GABBR2: variants seen among roughly 807,000 people sequenced by gnomAD.
GABBR2 encodes the protein gamma-aminobutyric acid type B receptor subunit 2.
Under a neutral mutation model 105.6 loss-of-function variants are expected in GABBR2, and 23 were observed. That is an observed-to-expected ratio of 0.22 (90% CI 0.16 to 0.31). The LOEUF is 0.31. Among genes scored for constraint, GABBR2 ranks in the 10% least tolerant of loss-of-function variants. The pLI, the probability that GABBR2 is intolerant of heterozygous loss-of-function variation, is 1.00. For synonymous variants in GABBR2, 478 were observed against 499.7 expected, an observed-to-expected ratio of 0.96 and a Z score of 0.58; for missense variants, 734 against 1,245.5, an observed-to-expected ratio of 0.59 and a Z score of 6.18.
At chr9:98,654,006 A>G (rs1830144682) in intron 1 of GABBR2, among the ~76,000 whole-genome samples, 1 of 152,226 alleles carries the variant, frequency 6.6e-6, no homozygotes, top group Non-Finnish European at 1.5e-5. Context: ...CAATGTCACA[A>G]AGCTCACAAG....
chr9:98,529,557 C>G lies in GABBR2; in HGVS notation c.630+12316G>C, dbSNP rs1828025756. On this transcript the variant is annotated intron_variant, in intron 3 of 18. Transcript: ENST00000259455. ...AGGTTATGGCCAATTTTAAATTTTC[C>G]TTTGTGCTCTTTTGTGTTTTCCAAG... 1.3e-5 allele frequency among the ~76,000 whole-genome samples: 2 copies of G among 152,122 alleles called. 1 individual carries two copies. The highest frequency in any genetic ancestry group is 4.1e-4 in the South Asian group (2 of 4,826).
At chr9:98,413,712 C>T (rs138740232) in intron 7 of GABBR2, among the ~76,000 whole-genome samples, 25 of 152,220 alleles carry the variant, frequency 1.6e-4, no homozygotes, top group Admixed American at 4.6e-4. Flanking sequence ...CATAACCAGA[C>T]GGCTCAGAGG....
chr9:98,582,051 G>C (rs1456121157), intron 1 of GABBR2, among the ~76,000 whole-genome samples: 6 of 152,196 alleles, frequency 3.9e-5, no homozygotes, highest in Admixed American at 3.9e-4. Flanking sequence ...ACCAGAGTGG[G>C]TGTGGCGGGC....
intron 1 of GABBR2, among the ~76,000 whole-genome samples, chr9:98,605,982 T>G (rs532107556): frequency 2.6e-5 from 4 of 151,918 alleles, no homozygotes; most frequent in East Asian, 3.9e-4. Context: ...TGTCCAAGCA[T>G]TCTCATTGTT....
chr9:98,468,887 T>C (rs1362127965), intron 6 of GABBR2, among the ~76,000 whole-genome samples: 3 of 152,020 alleles, frequency 2.0e-5, no homozygotes, highest in African/African-American at 7.2e-5. Flanking sequence ...CCTAAGCACG[T>C]CACAGGTCTA....
chr9:98,456,176 G>A (rs928531701), intron 6 of GABBR2, among the ~76,000 whole-genome samples: 1 of 152,106 alleles, frequency 6.6e-6, no homozygotes, highest in African/African-American at 2.4e-5. Flanking sequence ...TCCTCCTAGA[G>A]AAGGAGGAAA....
intron 3 of GABBR2, among the ~76,000 whole-genome samples, chr9:98,505,752 G>A (rs148369128): frequency 8.5e-5 from 13 of 152,250 alleles, no homozygotes; most frequent in African/African-American, 2.9e-4. Flanking sequence ...TGCATCTGCC[G>A]GCAAGGAGCA....
intron 1 of GABBR2, among the ~76,000 whole-genome samples, chr9:98,624,362 A>C (rs1431387848): frequency 6.6e-6 from 1 of 151,880 alleles, no homozygotes; most frequent in Non-Finnish European, 1.5e-5. Flanking sequence ...CTGCCTAGAG[A>C]ACTTGGCCCC....
intron 1 of GABBR2, among the ~76,000 whole-genome samples, chr9:98,702,821 T>C (rs954344361): frequency 6.6e-6 from 1 of 152,206 alleles, no homozygotes; most frequent in Non-Finnish European, 1.5e-5. Flanking sequence ...ATTGTTTCTT[T>C]CTTCAATTTA....
At chr9:98,539,301 G>A (rs1461082141) in intron 3 of GABBR2, among the ~76,000 whole-genome samples, 3 of 152,132 alleles carry the variant, frequency 2.0e-5, no homozygotes, top group East Asian at 1.9e-4. Context: ...CCAATGTCAG[G>A]GCTCACAATT....
chr9:98,394,343 A>G, intron 8 of GABBR2, 88 bp from the exon 9 acceptor site: 2 of 879,194 alleles, frequency 2.3e-6, no homozygotes, highest in Non-Finnish European at 1.9e-6. Flanking sequence ...CTCCCCTCAC[A>G]GGCCCTGGAT....
chr9:98,454,267 A>T lies in GABBR2; in HGVS notation c.1000-50T>A. The T allele has an allele frequency of 7.8e-7, 1 of 1,274,762 alleles. No individual in the cohort carries two copies. Among genetic ancestry groups the T allele is most frequent in the Non-Finnish European group, 1.1e-6 (1 of 870,696 alleles). 79.0% of individuals were successfully genotyped at this position (1,274,762 alleles called of 1,614,324 possible). On this transcript the variant is annotated intron_variant, in intron 6 of 18. Coordinates refer to ENST00000259455, the MANE Select transcript of GABBR2 (RefSeq NM_005458.8). This position sits in a 1 kb window ranked among gnomAD's most constrained non-coding sequence, Gnocchi z 4.6. ...ATCCCAAGTTATACTCGGCAGGGAC[A>T]TCAGGTGCCTGATGCCGAGAAGAGC...
At chr9:98,668,450 G>A (rs1421533721) in intron 1 of GABBR2, among the ~76,000 whole-genome samples, 3 of 152,198 alleles carry the variant, frequency 2.0e-5, no homozygotes, top group Non-Finnish European at 4.4e-5. Flanking sequence ...GTAAAGATTG[G>A]AGGTTGGGGA....
intron 1 of GABBR2, among the ~76,000 whole-genome samples, chr9:98,625,777 G>C (rs7018545): frequency 1.3e-5 from 2 of 152,210 alleles, no homozygotes. Flanking sequence ...TGGAGGGAAT[G>C]CATTTAGGCA....
At chr9:98,580,652 G>A (rs1828987801) in intron 1 of GABBR2, among the ~76,000 whole-genome samples, 1 of 152,136 alleles carries the variant, frequency 6.6e-6, no homozygotes, top group South Asian at 2.1e-4. Flanking sequence ...GCCAGGCATG[G>A]TGGCATGCAC....
chr9:98,604,582 A>T (rs1195382767), intron 1 of GABBR2, among the ~76,000 whole-genome samples: 1 of 152,182 alleles, frequency 6.6e-6, no homozygotes, highest in Non-Finnish European at 1.5e-5. Flanking sequence ...CATAAATTGG[A>T]ACACTCACTG....
At chr9:98,366,126 AC>A (rs1334165975) in intron 12 of GABBR2, among the ~76,000 whole-genome samples, 1 of 152,114 alleles carries the variant, frequency 6.6e-6, no homozygotes, top group Non-Finnish European at 1.5e-5. Flanking sequence ...CCCACTCTGA[AC>A]CAGTTTCCTC....
intron 7 of GABBR2, among the ~76,000 whole-genome samples, chr9:98,426,580 C>T (rs1223292307): frequency 6.6e-6 from 1 of 152,194 alleles, no homozygotes; most frequent in Non-Finnish European, 1.5e-5. Flanking sequence ...AGAACCCATT[C>T]TCCCTTTTGG....
At position 98,292,851 on chromosome 9, in the gene GABBR2, TCG is replaced by T. The variant is rs1830322537; in HGVS notation, c.2660+932_2660+933del. On this transcript the variant is annotated intron_variant, in intron 18 of 18. Transcript: ENST00000259455. ...ACCTATTCACTGGCAGAACCTGTGT[TCG>T]GTGCAGGGGACACATGAAGGACTCA... 2.0e-5 allele frequency among the ~76,000 whole-genome samples: 3 copies of T among 152,308 alleles called. No homozygotes were observed. The South Asian group carries it at 6.2e-4, about 32-fold the overall frequency.
Sources: allele counts gnomAD v4.1 joint callset (sites outside exome capture counted in the v4.1 genomes callset), GRCh38; gene constraint gnomAD v4.1.1; non-coding constraint Gnocchi (gnomAD v3.1); transcripts MANE v1.5; gene names NCBI Gene and HGNC (gene_info 2026-07-23, HGNC 2026-07-21).